Variants in UBE3C observed in about 807,000 individuals in gnomAD.
UBE3C encodes ubiquitin protein ligase E3C.
Under a neutral mutation model 129.4 loss-of-function variants are expected in UBE3C, and 42 were observed. The observed-to-expected ratio is 0.32, with a 90% CI of 0.25 to 0.42. The LOEUF is 0.42. Ranked by LOEUF, UBE3C falls within the 10% of genes least tolerant of loss-of-function variation. UBE3C has a pLI of 1.00. For synonymous variants in UBE3C, 510 were observed against 492.4 expected (o/e 1.04, Z -0.47); for missense variants, 1,049 against 1,319.1 (o/e 0.80, Z 3.17).
intron 1 of UBE3C, among the ~76,000 whole-genome samples, chr7:157,156,452 G>A (rs1052385946): frequency 6.6e-6 from 1 of 151,236 alleles, no homozygotes; most frequent in Non-Finnish European, 1.5e-5. Context: ...GACTACAGGC[G>A]CATGTCACCA....
At chr7:157,209,222 C>G (rs1239037666) in intron 13 of UBE3C, among the ~76,000 whole-genome samples, 1 of 152,200 alleles carries the variant, frequency 6.6e-6, no homozygotes, top group Non-Finnish European at 1.5e-5. Context: ...GAGAGTCTCT[C>G]TCCAGCCCGT....
intron 11 of UBE3C, among the ~76,000 whole-genome samples, chr7:157,202,767 C>G (rs1809326406): frequency 6.6e-6 from 1 of 152,228 alleles, no homozygotes; most frequent in Admixed American, 6.5e-5. Context: ...AACTGTGTGT[C>G]ATGCTCATGG....
At chr7:157,148,447 T>A (rs1356697058) in intron 1 of UBE3C, among the ~76,000 whole-genome samples, 1 of 152,152 alleles carries the variant, frequency 6.6e-6, no homozygotes, top group African/African-American at 2.4e-5. Context: ...AGGTCTAGAC[T>A]GTTAAGATGG....
At position 157,248,416 on chromosome 7, in the gene UBE3C, C is replaced by A; in HGVS notation, c.2530C>A (p.Leu844Ile). 2 of 1,613,616 alleles carry A rather than the reference C, an allele frequency of 1.2e-6. No homozygotes were observed. Among genetic ancestry groups the A allele is most frequent in the Admixed American group, 1.7e-5 (1 of 60,024 alleles). Residue 844 changes from leucine (L) to isoleucine (I), a missense_variant, in exon 19 of 23, where the codon CTT becomes ATT. Physicochemically the swap from Leu to Ile is conservative, Grantham distance 5. This residue lies in a region of UBE3C where 243 missense variants were observed against 368.7 expected (regional missense o/e 0.66). Coordinates refer to ENST00000348165, the MANE Select transcript of UBE3C (RefSeq NM_014671.3). ...GGAGCTGCCCTTTGCAGGCTTCTTT[C>A]TTTCCAAGTTGCTTGGAACCAGTGC... ...LVELPFAGFF[L>I]SKLLGTSADV...
chr7:157,183,131 A>T (rs563441811), intron 8 of UBE3C, among the ~76,000 whole-genome samples: 1 of 152,120 alleles, frequency 6.6e-6, no homozygotes, highest in Non-Finnish European at 1.5e-5. Context: ...ACACCAAGCA[A>T]TTCTTCAGTG....
chr7:157,173,182 TG>T (rs1190962644), intron 4 of UBE3C, among the ~76,000 whole-genome samples: 1 of 152,136 alleles, frequency 6.6e-6, no homozygotes, highest in African/African-American at 2.4e-5. Flanking sequence ...GAGACCAGCC[TG>T]GCCAAAATAC....
chr7:157,176,358 A>G (rs1808517643), intron 5 of UBE3C, among the ~76,000 whole-genome samples: 1 of 152,064 alleles, frequency 6.6e-6, no homozygotes, highest in African/African-American at 2.4e-5. Context: ...CACTGCAACC[A>G]CTGCCTCCTG....
Position 157,246,101 on chromosome 7 carries a change from A to G in UBE3C, c.2482-2267A>G, listed in dbSNP as rs537987935. Reference sequence around the variant, plus strand: ...TGCTTTTGGGAAAACCTCAACAGCTATTTTCTCATTTTCTCCAGTCGTATC... The same window carrying G: ...TGCTTTTGGGAAAACCTCAACAGCTGTTTTCTCATTTTCTCCAGTCGTATC... On this transcript the variant is annotated intron_variant, in intron 18 of 22. Coordinates refer to ENST00000348165, the MANE Select transcript of UBE3C (RefSeq NM_014671.3). Among the ~76,000 whole-genome samples, 8 of 151,880 alleles carry G rather than the reference A, an allele frequency of 5.3e-5. No homozygotes were observed. In the South Asian group the frequency reaches 8.3e-4, roughly 16 times the overall value.
chr7:157,220,795 A>G lies in UBE3C; in HGVS notation c.2002+19A>G, dbSNP rs778574403. On this transcript the variant is annotated intron_variant, in intron 15 of 22. Coordinates refer to ENST00000348165, the MANE Select transcript of UBE3C (RefSeq NM_014671.3). Reference sequence around the variant, plus strand: ...CTGGACGGTGAGTTCTCTAGGACACAGGGTTACTGAGGTATGAATTACATG... The same window carrying G: ...CTGGACGGTGAGTTCTCTAGGACACGGGGTTACTGAGGTATGAATTACATG... 3 of 1,612,744 alleles carry G rather than the reference A, an allele frequency of 1.9e-6. No individual in the cohort carries two copies. In the Admixed American group the frequency reaches 5.0e-5, roughly 27 times the overall value.
intron 10 of UBE3C, among the ~76,000 whole-genome samples, chr7:157,196,154 G>T (rs150196782): frequency 6.6e-6 from 1 of 152,162 alleles, no homozygotes. Flanking sequence ...ATAGAAGGCC[G>T]CAAGCCAAGG....
intron 9 of UBE3C, among the ~76,000 whole-genome samples, chr7:157,184,733 G>A (rs1468880005): frequency 2.0e-5 from 3 of 152,224 alleles, no homozygotes; most frequent in African/African-American, 7.2e-5. Flanking sequence ...AGAATATTGT[G>A]AAGTGGGTGT....
At chr7:157,218,160 T>C (rs927494826) in intron 14 of UBE3C, among the ~76,000 whole-genome samples, 3 of 151,836 alleles carry the variant, frequency 2.0e-5, no homozygotes, top group Admixed American at 6.6e-5. Flanking sequence ...AAAGAAACCA[T>C]GTCGGCTGGG....
chr7:157,193,021 G>T (rs1238656238), intron 10 of UBE3C, among the ~76,000 whole-genome samples: 1 of 152,174 alleles, frequency 6.6e-6, no homozygotes, highest in Non-Finnish European at 1.5e-5. Flanking sequence ...AGAAGGGCTG[G>T]CTGTTTAAAT....
chr7:157,201,278 C>T lies in UBE3C; in HGVS notation c.1332-443C>T, dbSNP rs1477365498. Among the ~76,000 whole-genome samples the T allele has an allele frequency of 5.3e-5, 8 of 152,046 alleles. No individual in the cohort carries two copies. In the South Asian group the frequency reaches 1.2e-3, roughly 24 times the overall value. On this transcript the variant is annotated intron_variant, in intron 10 of 22. Transcript: ENST00000348165. ...GGTGGAGGTTGCAGTGAGCCAAGAT[C>T]GTGGCACTGCACTCCAGCCTGGGCA... is the stretch of plus-strand genomic sequence containing the variant.
In UBE3C at chr7:157,242,351, CATT is replaced by C. The variant is rs527314098; in HGVS notation, c.2482-6016_2482-6014del. ...CGAAATCTGTTATCATCGAAGGCATCATTGTCCTCAAATTTCTCAAGAGGTGGC... is the reference window on the plus strand; with the variant it reads ...CGAAATCTGTTATCATCGAAGGCATCGTCCTCAAATTTCTCAAGAGGTGGC... On this transcript the variant is annotated intron_variant, in intron 18 of 22. Transcript: ENST00000348165. Among the ~76,000 whole-genome samples, 295 of 152,240 alleles carry C rather than the reference CATT, an allele frequency of 1.9e-3. 1 individual carries two copies. The highest frequency in any genetic ancestry group is 6.7e-3 in the African/African-American group (279 of 41,548).
chr7:157,238,365 G>T (rs1796207299), intron 18 of UBE3C, among the ~76,000 whole-genome samples: 1 of 152,054 alleles, frequency 6.6e-6, no homozygotes, highest in South Asian at 2.1e-4. Flanking sequence ...AAGCACTCAA[G>T]CTGGGAGACC....
At chr7:157,177,118 C>A (rs190027767) in intron 5 of UBE3C, among the ~76,000 whole-genome samples, 5 of 152,296 alleles carry the variant, frequency 3.3e-5, no homozygotes, top group African/African-American at 1.2e-4. Flanking sequence ...AAACTTAGGA[C>A]AGCAGCATAG....
chr7:157,230,657 T>C (rs1001175059), intron 17 of UBE3C, among the ~76,000 whole-genome samples: 1 of 144,036 alleles, frequency 6.9e-6, no homozygotes, highest in Non-Finnish European at 1.5e-5. Flanking sequence ...ATGGCACCAC[T>C]GCACTCCAGC....
intron 9 of UBE3C, 96 bp downstream of exon 9, chr7:157,184,125 C>G (rs1808745922): frequency 6.7e-7 from 1 of 1,498,644 alleles, no homozygotes; most frequent in Admixed American, 2.0e-5. Flanking sequence ...TTACACAAGT[C>G]AGACCCTCAA....
Sources: gnomAD v4.1 joint callset for allele counts (sites outside exome capture counted in the v4.1 genomes callset) on GRCh38, gnomAD v4.1.1 for gene constraint, gnomAD v4.1.1 regional missense constraint, MANE v1.5 for transcripts, NCBI Gene and HGNC (gene_info 2026-07-23, HGNC 2026-07-21) for gene names.